CYSLTR1: variants seen among roughly 807,000 people sequenced by gnomAD.
CYSLTR1 encodes the protein G-protein coupled receptor HG55.
A neutral mutation model predicts 2.1 loss-of-function variants in CYSLTR1; 1 was observed. That is an observed-to-expected ratio of 0.48 (90% CI 0.17 to 2.28). The LOEUF (loss-of-function observed/expected upper bound fraction) is 2.28. CYSLTR1 is among the 30% of genes most tolerant of loss of function. CYSLTR1 has a pLI of 0.26. For synonymous variants in CYSLTR1, 110 were observed against 89.6 expected (o/e 1.23, Z -1.28); for missense variants, 299 against 250.1 (o/e 1.20, Z -1.32).
intron 1 of CYSLTR1, among the ~76,000 whole-genome samples, chrX:78,313,969 G>T (rs934469017): frequency 1.8e-5 from 2 of 111,671 alleles, no homozygotes; most frequent in African/African-American, 6.5e-5. Context: ...ATTTAGAGTA[G>T]CATCAGCGAG....
chrX:78,326,197 C>T (rs1269573505), intron 1 of CYSLTR1, among the ~76,000 whole-genome samples: 1 of 111,597 alleles, frequency 9.0e-6, no homozygotes, highest in Non-Finnish European at 1.9e-5. Flanking sequence ...GCTTTTAGTT[C>T]TAATTGAGCC....
At chrX:78,312,114 T>C (rs1034289923) in intron 1 of CYSLTR1, among the ~76,000 whole-genome samples, 3 of 111,578 alleles carry the variant, frequency 2.7e-5, no homozygotes, top group East Asian at 2.8e-4. Flanking sequence ...AATAGCATGA[T>C]ACTGGTACAA....
At chrX:78,288,647 T>A (rs1160806180) in intron 1 of CYSLTR1, among the ~76,000 whole-genome samples, 1 of 112,249 alleles carries the variant, frequency 8.9e-6, no homozygotes, top group Non-Finnish European at 1.9e-5. Context: ...ATGCAATGCA[T>A]AATAATCACA....
At chrX:78,324,504 A>C (rs1386567307) in intron 1 of CYSLTR1, among the ~76,000 whole-genome samples, 1 of 111,341 alleles carries the variant, frequency 9.0e-6, no homozygotes, top group Non-Finnish European at 1.9e-5. Flanking sequence ...AGTAGCTGGG[A>C]CTACAGGCAT....
At chrX:78,318,077 C>A (rs892015605) in intron 1 of CYSLTR1, among the ~76,000 whole-genome samples, 1 of 112,442 alleles carries the variant, frequency 8.9e-6, no homozygotes, top group Non-Finnish European at 1.9e-5. Flanking sequence ...TATAAGGACA[C>A]ATGCATGTGT....
intron 1 of CYSLTR1, chrX:78,319,269 C>T (rs1392498949): frequency 1.5e-5 from 1 of 66,605 alleles, no homozygotes; most frequent in African/African-American, 6.1e-5. Flanking sequence ...CCCCCCTCCC[C>T]CCACCCCACA....
chrX:78,280,078 G>A (rs1921770592), intron 2 of CYSLTR1, among the ~76,000 whole-genome samples: 1 of 110,388 alleles, frequency 9.1e-6, no homozygotes, highest in Admixed American at 9.8e-5. Context: ...TAACAAACCT[G>A]CACATGTAGC....
chrX:78,317,493 G>T (rs1423771768), intron 1 of CYSLTR1, among the ~76,000 whole-genome samples: 1 of 112,038 alleles, frequency 8.9e-6, no homozygotes, highest in African/African-American at 3.2e-5. Context: ...CTACCCAAAG[G>T]AAAAGAAGTC....
chrX:78,289,594 T>A (rs1345487481), intron 1 of CYSLTR1, among the ~76,000 whole-genome samples: 1 of 111,951 alleles, frequency 8.9e-6, no homozygotes, highest in Non-Finnish European at 1.9e-5. Context: ...GTAAAAGTGT[T>A]CCTATTTCTC....
intron 1 of CYSLTR1, among the ~76,000 whole-genome samples, chrX:78,303,829 CTTTT>C (rs1169669469): frequency 9.0e-6 from 1 of 111,515 alleles, no homozygotes; most frequent in African/African-American, 3.3e-5. Context: ...CAAATCACTT[CTTTT>C]TTTATGATCT....
rs1923899148 is a variant in CYSLTR1, at chrX:78,327,446, G to T, written c.-256C>A. ...TGCACAGTATCTTGATACCCTGTAG[G>T]GTCGTAAAAGCACAGTCCATTCACA... is the stretch of plus-strand genomic sequence containing the variant. On this transcript the variant is annotated 5_prime_UTR_variant, in exon 1 of 3. Coordinates refer to ENST00000373304, the MANE Select transcript of CYSLTR1 (RefSeq NM_006639.4). 1 of 111,848 alleles carries T rather than the reference G, an allele frequency of 8.9e-6. No homozygotes were observed. The highest frequency in any genetic ancestry group is 2.8e-4 in the East Asian group (1 of 3,559). The allele number at this position is 111,848 out of a possible 1,213,427, so 9.2% of individuals were successfully genotyped here.
intron 1 of CYSLTR1, chrX:78,321,288 G>A (rs1040816796): frequency 1.8e-5 from 2 of 109,323 alleles, no homozygotes; most frequent in African/African-American, 6.7e-5. Flanking sequence ...TTCACAGAGT[G>A]CAGGGGACCA....
At chrX:78,324,164 G>A (rs1474999447) in intron 1 of CYSLTR1, among the ~76,000 whole-genome samples, 2 of 111,628 alleles carry the variant, frequency 1.8e-5, no homozygotes, top group African/African-American at 6.5e-5. Context: ...AATCCATAAA[G>A]AAATCTTAAT....
intron 1 of CYSLTR1, among the ~76,000 whole-genome samples, chrX:78,313,947 A>G (rs1371465166): frequency 8.9e-6 from 1 of 111,827 alleles, no homozygotes; most frequent in East Asian, 2.8e-4. Context: ...GCATTATGGT[A>G]GAAAAGTAAT....
chrX:78,290,234 CTTGT>C (rs927091291), intron 1 of CYSLTR1, among the ~76,000 whole-genome samples: 4 of 111,978 alleles, frequency 3.6e-5, no homozygotes, highest in African/African-American at 1.3e-4. Context: ...TTCCCCATTT[CTTGT>C]TTTTGTCAGG....
chrX:78,274,345 T>C (rs952511723), intron 2 of CYSLTR1, among the ~76,000 whole-genome samples: 2 of 110,989 alleles, frequency 1.8e-5, no homozygotes, highest in African/African-American at 6.6e-5. Context: ...CAAAACAGCA[T>C]GGTACTGGTA....
rs1363872579 is a variant in CYSLTR1, at chrX:78,273,543, T to G, written c.204A>C (p.Ala68=). The change falls in exon 3 of 3, where the codon GCA becomes GCC. Residue 68 remains alanine, a synonymous_variant. Transcript: ENST00000373304. ...FQVYMINLAV[A]DLLCVCTLPL... ...GCAGTGTGCACACACAAAGTAGATC[T>G]GCTACTGCTAAATTAATCATGTATA... 8.3e-7 allele frequency: 1 copy of G among 1,211,741 alleles called. No individual in the cohort carries two copies. The highest frequency in any genetic ancestry group is 1.7e-5 in the African/African-American group (1 of 57,868).
At chrX:78,314,775 C>T (rs981232336) in intron 1 of CYSLTR1, among the ~76,000 whole-genome samples, 2 of 109,868 alleles carry the variant, frequency 1.8e-5, no homozygotes, top group Non-Finnish European at 3.8e-5. Flanking sequence ...AACTTGAGTT[C>T]CTGCATGCCT....
chrX:78,275,910 C>T (rs1308069267), intron 2 of CYSLTR1, among the ~76,000 whole-genome samples: 1 of 111,278 alleles, frequency 9.0e-6, no homozygotes, highest in Non-Finnish European at 1.9e-5. Context: ...TGCAGAACTC[C>T]ATGGTAAGAG....
Sources: allele counts gnomAD v4.1 joint callset (sites outside exome capture counted in the v4.1 genomes callset), GRCh38; gene constraint gnomAD v4.1.1; transcripts MANE v1.5; gene names NCBI Gene and HGNC (gene_info 2026-07-23, HGNC 2026-07-21).